Variants in NKAIN3 observed in about 807,000 individuals in gnomAD.
The protein encoded by NKAIN3 is sodium/potassium transporting ATPase interacting 3.
In NKAIN3, 25 loss-of-function variants were observed where a neutral mutation model predicts 30.2. The observed-to-expected ratio is 0.83, with a 90% CI of 0.60 to 1.16. The LOEUF is 1.16. Ranked by LOEUF, NKAIN3 falls within the 50% of genes most tolerant of loss-of-function variation. The pLI, the probability that NKAIN3 is intolerant of heterozygous loss-of-function variation, is 0.00. For missense variants in NKAIN3, 225 were observed against 254.1 expected (o/e 0.89, Z 0.78); for synonymous variants, 91 against 89.6 (o/e 1.02, Z -0.09).
At chr8:62,622,014 G>A (rs1209083740) in intron 3 of NKAIN3, among the ~76,000 whole-genome samples, 1 of 151,814 alleles carries the variant, frequency 6.6e-6, no homozygotes, top group African/African-American at 2.4e-5. Flanking sequence ...CTATAATTGT[G>A]GCATTTCAAG....
At chr8:62,432,940 T>C (rs1345991997) in intron 1 of NKAIN3, among the ~76,000 whole-genome samples, 2 of 152,096 alleles carry the variant, frequency 1.3e-5, no homozygotes, top group African/African-American at 4.8e-5. Context: ...ATTTGGTATG[T>C]CTGAACCAAG....
intron 4 of NKAIN3, among the ~76,000 whole-genome samples, chr8:62,805,016 C>G (rs1157086917): frequency 6.6e-6 from 1 of 152,122 alleles, no homozygotes; most frequent in East Asian, 1.9e-4. Flanking sequence ...AACAGACAAA[C>G]ATAGAGCCAA....
At chr8:62,758,691 A>T (rs957434387) in intron 4 of NKAIN3, among the ~76,000 whole-genome samples, 13 of 152,182 alleles carry the variant, frequency 8.5e-5, no homozygotes, top group Admixed American at 7.9e-4. Flanking sequence ...ATGTGGACAC[A>T]TGATGAATCT....
chr8:62,395,081 G>A lies in NKAIN3; in HGVS notation c.54+145954G>A, dbSNP rs375628124. Among the ~76,000 whole-genome samples the A allele has an allele frequency of 1.5e-4, 22 of 149,376 alleles. No individual in the cohort carries two copies. The East Asian group carries it at 3.4e-3, about 23-fold the overall frequency. The stretch of plus-strand genomic sequence containing the variant: ...GACGGTGGGTCGGCCAGGCAGAGGC[G>A]CTCATCACTTCTCAGATGATGGGGC... On this transcript the variant is annotated intron_variant, in intron 1 of 6. Coordinates refer to ENST00000623646, the MANE Select transcript of NKAIN3 (RefSeq NM_001304533.3).
At chr8:62,412,933 A>C (rs12542276) in intron 1 of NKAIN3, among the ~76,000 whole-genome samples, 2 of 145,150 alleles carry the variant, frequency 1.4e-5, no homozygotes, top group African/African-American at 2.5e-5. Flanking sequence ...AAAAAAAAAA[A>C]AACAGCAAAA....
chr8:62,935,222 G>A (rs1822748400), intron 5 of NKAIN3, among the ~76,000 whole-genome samples: 1 of 152,128 alleles, frequency 6.6e-6, no homozygotes, highest in Admixed American at 6.5e-5. Flanking sequence ...CTGTTCGGGG[G>A]ACAGCAAGGA....
At chr8:62,810,131 C>A (rs1586222752) in intron 4 of NKAIN3, among the ~76,000 whole-genome samples, 1 of 152,120 alleles carries the variant, frequency 6.6e-6, no homozygotes, top group South Asian at 2.1e-4. Context: ...TGCTTGCTTG[C>A]ATAATCATAT....
chr8:62,890,015 C>T (rs1456622900), intron 4 of NKAIN3, among the ~76,000 whole-genome samples: 4 of 152,136 alleles, frequency 2.6e-5, no homozygotes, highest in Admixed American at 2.0e-4. Context: ...TCTATATTCA[C>T]CTTCCCAATT....
In NKAIN3 at chr8:62,843,908, T is replaced by C. The variant is rs527422709; in HGVS notation, c.472-74545T>C. Among the ~76,000 whole-genome samples, 11 of 152,220 alleles carry C rather than the reference T, an allele frequency of 7.2e-5. No homozygotes were observed. In the East Asian group the frequency reaches 2.1e-3, roughly 29 times the overall value. ...TCTCCTTTGCTGGTGTATGTACCAA[T>C]GTATAACCTTTCTGCACAAATGAAA... is the stretch of plus-strand genomic sequence containing the variant. On this transcript the variant is annotated intron_variant, in intron 4 of 6. Transcript: ENST00000623646.
At position 62,366,448 on chromosome 8, in the gene NKAIN3, A is replaced by C. The variant is rs921369056; in HGVS notation, c.54+117321A>C. On this transcript the variant is annotated intron_variant, in intron 1 of 6. Coordinates refer to ENST00000623646, the MANE Select transcript of NKAIN3 (RefSeq NM_001304533.3). ...CACTATGTTGGCCGAGCTGGTCTCG[A>C]ACTCCTGACCTCAAGTGATCAGCTG... Among the ~76,000 whole-genome samples, 20 of 152,120 alleles carry C rather than the reference A, an allele frequency of 1.3e-4. 1 individual carries two copies. Among genetic ancestry groups the C allele is most frequent in the Admixed American group, 1.2e-3 (18 of 15,268 alleles).
At chr8:62,958,893 A>T (rs1455852675) in intron 6 of NKAIN3, among the ~76,000 whole-genome samples, 3 of 152,224 alleles carry the variant, frequency 2.0e-5, no homozygotes, top group Non-Finnish European at 4.4e-5. Context: ...TCTACAGCAA[A>T]GGTAGAGCTA....
At chr8:62,412,317 C>CAA (rs71255335) in intron 1 of NKAIN3, among the ~76,000 whole-genome samples, 60,982 of 149,880 alleles carry the variant, frequency 0.41, 14,391 homozygotes, top group Non-Finnish European at 0.53. Flanking sequence ...AACAAACAAA[C>CAA]AAAAAAAAAC....
chr8:62,501,825 AT>A (rs1807463629), intron 1 of NKAIN3, among the ~76,000 whole-genome samples: 1 of 152,222 alleles, frequency 6.6e-6, no homozygotes, highest in East Asian at 1.9e-4. Context: ...TGCATGCAAA[AT>A]AAAATCATAA....
At chr8:62,625,938 G>A (rs764419265) in intron 3 of NKAIN3, among the ~76,000 whole-genome samples, 5 of 145,802 alleles carry the variant, frequency 3.4e-5, no homozygotes, top group Non-Finnish European at 7.6e-5. Context: ...GTGTTAACAT[G>A]ACATAATTGA....
At chr8:62,849,602 C>CT (rs200846986) in intron 4 of NKAIN3, among the ~76,000 whole-genome samples, 3,372 of 96,332 alleles carry the variant, frequency 0.035, 140 homozygotes, top group African/African-American at 0.12. Flanking sequence ...CTCTCCCCTC[C>CT]CCCCCACCCA....
At chr8:62,385,753 G>T (rs921783195) in intron 1 of NKAIN3, among the ~76,000 whole-genome samples, 18 of 152,028 alleles carry the variant, frequency 1.2e-4, no homozygotes, top group Admixed American at 1.2e-3. Flanking sequence ...CTGTACTTTT[G>T]CCTTTTCCAG....
At chr8:62,709,268 A>G (rs185823048) in intron 3 of NKAIN3, among the ~76,000 whole-genome samples, 2 of 152,124 alleles carry the variant, frequency 1.3e-5, no homozygotes, top group Admixed American at 6.5e-5. Context: ...TTCTTCCTCC[A>G]TCTTGTGGAA....
At chr8:62,252,042 A>G (rs1812120351) in intron 1 of NKAIN3, among the ~76,000 whole-genome samples, 1 of 152,226 alleles carries the variant, frequency 6.6e-6, no homozygotes, top group African/African-American at 2.4e-5. Context: ...AACAAAACCA[A>G]TTCTAACTCT....
At chr8:62,898,647 A>T (rs1821510909) in intron 4 of NKAIN3, among the ~76,000 whole-genome samples, 1 of 152,112 alleles carries the variant, frequency 6.6e-6, no homozygotes, top group African/African-American at 2.4e-5. Flanking sequence ...ACATTAGGAA[A>T]ACTCCCCAGG....
Sources: gnomAD v4.1 joint callset for allele counts (sites outside exome capture counted in the v4.1 genomes callset) on GRCh38, gnomAD v4.1.1 for gene constraint, MANE v1.5 for transcripts, NCBI Gene and HGNC (gene_info 2026-07-23, HGNC 2026-07-21) for gene names.